The following COL5A2 variants were observed in gnomAD, a reference collection of about 807,000 sequenced individuals.
The protein encoded by COL5A2 is collagen alpha-2(V) chain.
COL5A2 carries 23 observed loss-of-function variants against 208.2 expected under a neutral mutation model. That is an observed-to-expected ratio of 0.11 (90% CI 0.08 to 0.16). COL5A2 has a LOEUF of 0.16. Ranked by LOEUF, COL5A2 falls within the 10% of genes least tolerant of loss-of-function variation. COL5A2 has a pLI of 1.00. For missense variants in COL5A2, 1,590 were observed against 1,956.4 expected (o/e 0.81, Z 3.53); for synonymous variants, 625 against 628.5 (o/e 0.99, Z 0.08).
At chr2:189,210,983 C>G (rs1270388652) in intron 1 of COL5A2, among the ~76,000 whole-genome samples, 2 of 152,088 alleles carry the variant, frequency 1.3e-5, no homozygotes, top group Non-Finnish European at 2.9e-5. Flanking sequence ...TAATACTGCC[C>G]TTTATCGCCA....
the COL5A2 span, among the ~76,000 whole-genome samples, chr2:189,248,500 T>C: frequency 6.6e-6 from 1 of 152,192 alleles, no homozygotes; most frequent in Non-Finnish European, 1.5e-5. Context: ...ATGTGTATCA[T>C]AGAAACATTT....
At chr2:189,163,763 A>C (rs11901914) in intron 1 of COL5A2, among the ~76,000 whole-genome samples, 84 of 152,222 alleles carry the variant, frequency 5.5e-4, no homozygotes, top group African/African-American at 1.9e-3. Flanking sequence ...TAAATATTCT[A>C]TAGTCACAGG....
At chr2:189,198,851 A>G (rs1206873800) in intron 1 of COL5A2, among the ~76,000 whole-genome samples, 1 of 152,182 alleles carries the variant, frequency 6.6e-6, no homozygotes, top group Non-Finnish European at 1.5e-5. Context: ...TTTTCTCAGC[A>G]ACAGTCACTT....
At chr2:189,092,538 A>T (rs1576521358) in intron 6 of COL5A2, 118 bp from the exon 7 acceptor site, 1 of 726,738 alleles carries the variant, frequency 1.4e-6, no homozygotes, top group Non-Finnish European at 2.5e-6. Flanking sequence ...ATACATGGCA[A>T]TCTAGCCACT....
chr2:189,144,713 G>A (rs1688005310), intron 1 of COL5A2, among the ~76,000 whole-genome samples: 1 of 152,000 alleles, frequency 6.6e-6, no homozygotes, highest in Non-Finnish European at 1.5e-5. Context: ...AACAAATAAT[G>A]TGAAACACCA....
upstream of COL5A2, among the ~76,000 whole-genome samples, chr2:189,227,751 C>T (rs902696314): frequency 2.6e-5 from 4 of 151,754 alleles, no homozygotes; most frequent in African/African-American, 7.3e-5. Context: ...TAGACACCAA[C>T]AATATAAAGT....
intron 8 of COL5A2, among the ~76,000 whole-genome samples, chr2:189,087,493 T>G (rs1036787309): frequency 1.3e-5 from 2 of 152,020 alleles, no homozygotes; most frequent in African/African-American, 4.8e-5. Flanking sequence ...AGACGGAGTC[T>G]CCCTCTGTCA....
the COL5A2 span, among the ~76,000 whole-genome samples, chr2:189,316,727 C>A: frequency 3.3e-5 from 5 of 151,010 alleles, no homozygotes; most frequent in East Asian, 7.7e-4. Context: ...TGCACTTGTA[C>A]CCCTAAACTT....
chr2:189,225,160 G>A (rs937742240), exon 1 of COL5A2, among the ~76,000 whole-genome samples: 1 of 152,082 alleles, frequency 6.6e-6, no homozygotes, highest in Non-Finnish European at 1.5e-5. Flanking sequence ...CCAGTGGCTC[G>A]ATGTTGACTC....
rs546380624 is a variant in COL5A2 at position 189,048,037 on chromosome 2, A to G, written c.3201+172T>C. ...CCATCTTAATTTGTTGCATATTCAA[A>G]TATCATTTCATTTACAAGATATAAA... On this transcript the variant is annotated intron_variant, in intron 45 of 53. Transcript: ENST00000374866. Among the ~76,000 whole-genome samples the G allele has an allele frequency of 2.8e-4, 43 of 152,366 alleles. 2 individuals carry two copies. The South Asian group carries it at 8.7e-3, about 31-fold the overall frequency.
At chr2:189,330,641 C>T in the COL5A2 span, among the ~76,000 whole-genome samples, 1 of 152,118 alleles carries the variant, frequency 6.6e-6, no homozygotes, top group East Asian at 1.9e-4. Flanking sequence ...ATAGTGATGT[C>T]CAGAGTCTTA....
At chr2:189,399,846 C>T in the COL5A2 span, among the ~76,000 whole-genome samples, 1 of 151,990 alleles carries the variant, frequency 6.6e-6, no homozygotes, top group Non-Finnish European at 1.5e-5. Flanking sequence ...ACTAGAGATA[C>T]ATGCCACCAT....
At chr2:189,337,608 CAT>C in the COL5A2 span, among the ~76,000 whole-genome samples, 1 of 152,070 alleles carries the variant, frequency 6.6e-6, no homozygotes, top group African/African-American at 2.4e-5. Context: ...ATGGAGGAAG[CAT>C]AGATTAGAAT....
chr2:189,439,188 C>T, the COL5A2 span, among the ~76,000 whole-genome samples: 1 of 152,184 alleles, frequency 6.6e-6, no homozygotes. Context: ...CCCCTTGGCA[C>T]ATAAATACAT....
chr2:189,159,471 A>C (rs982718887), intron 1 of COL5A2, among the ~76,000 whole-genome samples: 20 of 152,204 alleles, frequency 1.3e-4, no homozygotes, highest in African/African-American at 4.3e-4. Flanking sequence ...GCTAAGGCAG[A>C]AAATCTAACA....
intron 1 of COL5A2, among the ~76,000 whole-genome samples, chr2:189,157,974 T>C (rs1688287025): frequency 6.6e-6 from 1 of 151,948 alleles, no homozygotes; most frequent in African/African-American, 2.4e-5. Context: ...TAGACTTCAA[T>C]GAAGGTAGAG....
the COL5A2 span, among the ~76,000 whole-genome samples, chr2:189,283,164 G>C: frequency 2.6e-5 from 4 of 151,550 alleles, no homozygotes; most frequent in African/African-American, 9.7e-5. Flanking sequence ...AAATGCTGTT[G>C]ACTTGTTTGA....
chr2:189,092,510 G>A (rs1348631706), intron 6 of COL5A2, 90 bp from the exon 7 acceptor site: 1 of 801,482 alleles, frequency 1.2e-6, no homozygotes. Flanking sequence ...TGGCAAGGGA[G>A]TGTTTATTAT....
intron 50 of COL5A2, 33 bp downstream of exon 50, chr2:189,041,553 G>GAATAAA (rs1176029174): frequency 1.4e-6 from 2 of 1,470,058 alleles, no homozygotes; most frequent in Non-Finnish European, 1.9e-6. Flanking sequence ...TGAATAAATA[G>GAATAAA]CATTTCTTGC....
Sources: allele counts gnomAD v4.1 joint callset (sites outside exome capture counted in the v4.1 genomes callset), GRCh38; gene constraint gnomAD v4.1.1; transcripts MANE v1.5; gene names NCBI Gene and HGNC (gene_info 2026-07-23, HGNC 2026-07-21).